Variants in LINGO2 observed in about 807,000 individuals in gnomAD.
LINGO2 encodes leucine rich repeat and Ig domain containing 2.
A neutral mutation model predicts 30.6 loss-of-function variants in LINGO2; 14 were observed. The ratio of observed to expected loss-of-function variants is 0.46; its 90% CI spans 0.30 to 0.72. LINGO2 has a LOEUF of 0.72. Ranked by LOEUF, LINGO2 falls within the 30% of genes least tolerant of loss-of-function variation. LINGO2 has a pLI of 0.07. For synonymous variants in LINGO2, 317 were observed against 288.5 expected (o/e 1.10, Z -1.00); for missense variants, 729 against 751.7 (o/e 0.97, Z 0.35).
the LINGO2 span, among the ~76,000 whole-genome samples, chr9:28,941,436 G>A: frequency 6.6e-6 from 1 of 152,012 alleles, no homozygotes; most frequent in African/African-American, 2.4e-5. Context: ...GTGTCTCCTT[G>A]GCATTTACAT....
At chr9:28,348,320 G>A (rs1290432499) in intron 3 of LINGO2, among the ~76,000 whole-genome samples, 1 of 152,156 alleles carries the variant, frequency 6.6e-6, no homozygotes, top group African/African-American at 2.4e-5. Flanking sequence ...GCAGGGCGAG[G>A]CATTGCCTCA....
the LINGO2 span, among the ~76,000 whole-genome samples, chr9:29,208,539 C>T: frequency 2.2e-3 from 330 of 152,170 alleles, 1 homozygote; most frequent in African/African-American, 7.7e-3. Flanking sequence ...ATATTCCTCT[C>T]ATCAAAGGCA....
intron 4 of LINGO2, among the ~76,000 whole-genome samples, chr9:28,289,018 A>T (rs1302068999): frequency 1.3e-5 from 2 of 152,170 alleles, no homozygotes; most frequent in Admixed American, 1.3e-4. Context: ...AAGCTTGGCA[A>T]ATCTTTACTT....
At chr9:28,758,634 ATTC>A in the LINGO2 span, among the ~76,000 whole-genome samples, 1 of 152,070 alleles carries the variant, frequency 6.6e-6, no homozygotes, top group African/African-American at 2.4e-5. Flanking sequence ...GCTGCCTGCA[ATTC>A]TTCTCTGCTG....
intron 4 of LINGO2, among the ~76,000 whole-genome samples, chr9:28,249,658 T>C (rs12551839): frequency 0.35 from 53,399 of 151,942 alleles, 9,446 homozygotes; most frequent in East Asian, 0.43. Context: ...ACTTGAGTTT[T>C]ATTGGAGAAA....
At chr9:29,169,869 G>A in the LINGO2 span, among the ~76,000 whole-genome samples, 8 of 152,028 alleles carry the variant, frequency 5.3e-5, no homozygotes, top group Non-Finnish European at 8.8e-5. Flanking sequence ...GTGGTGGCAC[G>A]CGCCTGTAGT....
chr9:28,214,202 A>T (rs1228380766), intron 4 of LINGO2, among the ~76,000 whole-genome samples: 1 of 151,558 alleles, frequency 6.6e-6, no homozygotes, highest in African/African-American at 2.4e-5. Context: ...TGAGTAAGAA[A>T]TTCTTTATAC....
At chr9:29,111,871 G>GTGTATATATACATATATTTATATATGTT in the LINGO2 span, among the ~76,000 whole-genome samples, 1 of 150,014 alleles carries the variant, frequency 6.7e-6, no homozygotes, top group Non-Finnish European at 1.5e-5. Flanking sequence ...GTATATATGT[G>GTGTATATATACATATATTTATATATGTT]TGTATATATA....
chr9:28,372,835 C>T lies in LINGO2; in HGVS notation c.-246+1G>A, dbSNP rs934497451. On this transcript the variant is annotated splice_donor_variant, in intron 3 of 5. Transcript: ENST00000379992. LOFTEE classifies it low-confidence loss of function (5UTR_SPLICE). ...TAACAAAAATTATAAAATGTACCAA[C>T]CTTGAAAGCTGCATTCTGTTTTTCT... 9.2e-5 allele frequency: 14 copies of T among 152,432 alleles called. No individual in the cohort carries two copies. Among genetic ancestry groups the T allele is most frequent in the Non-Finnish European group, 2.1e-4 (14 of 68,000 alleles). 9.4% of individuals were successfully genotyped at this position (152,432 alleles called of 1,614,324 possible). A position where few individuals can be genotyped will look rare whatever the true frequency, so the allele number is the denominator to read the frequency against.
the LINGO2 span, among the ~76,000 whole-genome samples, chr9:28,980,303 C>A: frequency 2.0e-5 from 3 of 152,210 alleles, no homozygotes; most frequent in South Asian, 6.2e-4. Context: ...ATACTTCCAT[C>A]TTTATGTCTC....
At chr9:28,791,023 A>C in the LINGO2 span, among the ~76,000 whole-genome samples, 2 of 152,174 alleles carry the variant, frequency 1.3e-5, no homozygotes, top group Non-Finnish European at 2.9e-5. Flanking sequence ...TTTTTTTAAA[A>C]CATTATTTGA....
chr9:28,886,563 A>G, the LINGO2 span, among the ~76,000 whole-genome samples: 2 of 152,290 alleles, frequency 1.3e-5, no homozygotes, highest in East Asian at 1.9e-4. Context: ...TGCACAAAAT[A>G]TACCACAGTT....
chr9:29,130,738 C>A, the LINGO2 span, among the ~76,000 whole-genome samples: 1 of 150,828 alleles, frequency 6.6e-6, no homozygotes, highest in South Asian at 2.1e-4. Flanking sequence ...AACCCCAAAT[C>A]AGGCCAGGAG....
intron 2 of LINGO2, among the ~76,000 whole-genome samples, chr9:28,445,626 T>C (rs1230399060): frequency 1.3e-5 from 2 of 152,182 alleles, no homozygotes; most frequent in African/African-American, 2.4e-5. Context: ...ACAGTGTCCA[T>C]ATGCAATTAC....
chr9:28,109,353 C>T (rs2133352256), intron 4 of LINGO2, among the ~76,000 whole-genome samples: 1 of 152,320 alleles, frequency 6.6e-6, no homozygotes, highest in Middle Eastern at 3.4e-3. Flanking sequence ...GATGCCCTCT[C>T]TCACCACTCC....
chr9:28,215,046 C>A (rs887654961), intron 4 of LINGO2, among the ~76,000 whole-genome samples: 1 of 151,526 alleles, frequency 6.6e-6, no homozygotes, highest in African/African-American at 2.4e-5. Flanking sequence ...CAGGAAATGT[C>A]ATAATTCTTC....
At chr9:28,140,264 CT>C (rs1827635311) in intron 4 of LINGO2, among the ~76,000 whole-genome samples, 1 of 152,180 alleles carries the variant, frequency 6.6e-6, no homozygotes, top group Non-Finnish European at 1.5e-5. Context: ...CTAGAAACAT[CT>C]TTCCCCCCAA....
chr9:28,375,191 G>A (rs1381144654), intron 2 of LINGO2, among the ~76,000 whole-genome samples: 1 of 151,400 alleles, frequency 6.6e-6, no homozygotes, highest in African/African-American at 2.4e-5. Flanking sequence ...TGCTGCAATG[G>A]GACCGTTCAA....
At chr9:28,972,919 A>C in the LINGO2 span, among the ~76,000 whole-genome samples, 1 of 152,150 alleles carries the variant, frequency 6.6e-6, no homozygotes, top group Admixed American at 6.5e-5. Flanking sequence ...TCCCTCCCAC[A>C]ACACGTGGGG....
Sources: allele counts gnomAD v4.1 joint callset (sites outside exome capture counted in the v4.1 genomes callset), GRCh38; gene constraint gnomAD v4.1.1; transcripts MANE v1.5; gene names NCBI Gene and HGNC (gene_info 2026-07-23, HGNC 2026-07-21).